The following ITPR1 variants were observed in gnomAD, a reference collection of about 807,000 sequenced individuals.
ITPR1 encodes the protein inositol 1,4,5-trisphosphate receptor type 1.
Under a neutral mutation model 318.4 loss-of-function variants are expected in ITPR1, and 96 were observed. The ratio of observed to expected loss-of-function variants is 0.30; its 90% CI spans 0.26 to 0.36. ITPR1 has a LOEUF of 0.36. ITPR1 is among the 10% of genes least tolerant of loss of function. ITPR1 has a pLI of 1.00. For synonymous variants in ITPR1, 1,312 were observed against 1,289.9 expected, an observed-to-expected ratio of 1.02 and a Z score of -0.37; for missense variants, 2,440 against 3,460.2, an observed-to-expected ratio of 0.71 and a Z score of 7.40.
At chr3:4,795,675 A>G (rs1287050318) in intron 53 of ITPR1, among the ~76,000 whole-genome samples, 1 of 152,238 alleles carries the variant, frequency 6.6e-6, no homozygotes, top group African/African-American at 2.4e-5. Context: ...GAGGGGAGGC[A>G]GGACTTGAAT....
At chr3:4,649,003 G>T (rs2093530907) in intron 10 of ITPR1, among the ~76,000 whole-genome samples, 1 of 152,106 alleles carries the variant, frequency 6.6e-6, no homozygotes. Flanking sequence ...ATTGAAGATT[G>T]ATGCCCCATG....
chr3:4,814,877 A>C, intron 58 of ITPR1, 176 bp from the exon 59 acceptor site: 1 of 637,358 alleles, frequency 1.6e-6, no homozygotes, highest in Non-Finnish European at 2.8e-6. Flanking sequence ...CCACACTTGG[A>C]GAAGTCGCAA....
At chr3:4,601,769 T>G (rs1437973826) in intron 4 of ITPR1, among the ~76,000 whole-genome samples, 2 of 152,210 alleles carry the variant, frequency 1.3e-5, no homozygotes, top group Non-Finnish European at 2.9e-5. Context: ...AGACAACTCA[T>G]AGAAAAGTAG....
intron 44 of ITPR1, among the ~76,000 whole-genome samples, chr3:4,746,115 G>A (rs112561304): frequency 1.2e-3 from 189 of 152,154 alleles, no homozygotes; most frequent in African/African-American, 3.0e-3. Flanking sequence ...AGGCTCGACC[G>A]CCTGCCAGCA....
intron 4 of ITPR1, among the ~76,000 whole-genome samples, chr3:4,524,330 A>C (rs1293721823): frequency 1.3e-5 from 1 of 76,528 alleles, no homozygotes; most frequent in Non-Finnish European, 3.2e-5. Flanking sequence ...TTTTTTTTTA[A>C]ATGAAGAGAA....
At chr3:4,539,163 T>G (rs1272474745) in intron 4 of ITPR1, among the ~76,000 whole-genome samples, 1 of 152,248 alleles carries the variant, frequency 6.6e-6, no homozygotes, top group African/African-American at 2.4e-5. Context: ...TATTTTCTTA[T>G]GTCTGTTATT....
chr3:4,756,437 G>T (rs560006519), intron 44 of ITPR1, among the ~76,000 whole-genome samples: 115 of 152,162 alleles, frequency 7.6e-4, no homozygotes, highest in Non-Finnish European at 1.4e-3. Flanking sequence ...CAGGTACTAA[G>T]CCCAGTACCC....
At chr3:4,833,868 T>G (rs910293223) in intron 60 of ITPR1, among the ~76,000 whole-genome samples, 3 of 152,194 alleles carry the variant, frequency 2.0e-5, no homozygotes, top group African/African-American at 7.2e-5. Flanking sequence ...CGCTCCTAGA[T>G]ACAACATAGC....
chr3:4,681,549 G>A, intron 26 of ITPR1, 131 bp downstream of exon 26: 2 of 675,610 alleles, frequency 3.0e-6, no homozygotes, highest in Non-Finnish European at 2.6e-6. Flanking sequence ...CTTTGGAACT[G>A]TTAGTACTCA....
At chr3:4,683,923 T>C in intron 28 of ITPR1, 125 bp downstream of exon 28, 1 of 807,048 alleles carries the variant, frequency 1.2e-6, no homozygotes, top group South Asian at 1.9e-5. Context: ...GCTTGTTAAG[T>C]CACCAAGATC....
chr3:4,778,561 T>C (rs1017120555), intron 48 of ITPR1, among the ~76,000 whole-genome samples: 1 of 152,252 alleles, frequency 6.6e-6, no homozygotes, highest in Admixed American at 6.5e-5. Flanking sequence ...GTGGTTTAAA[T>C]GGACTTTTTT....
At chr3:4,599,911 A>T (rs1352130130) in intron 4 of ITPR1, among the ~76,000 whole-genome samples, 1 of 152,190 alleles carries the variant, frequency 6.6e-6, no homozygotes, top group Non-Finnish European at 1.5e-5. Context: ...GAAACTCACC[A>T]CAGGATAATG....
Position 4,768,755 on chromosome 3 carries a change from A to T in ITPR1, c.5970A>T (p.Arg1990=), listed in dbSNP as rs1157485528. The change falls in exon 46 of 62, where the codon CGA becomes CGT. Residue 1990 remains arginine, a synonymous_variant. Transcript: ENST00000649015. ...FLQLLCENHN[R]DLQNFLRCQN... ...AGCTCCTGTGTGAAAACCACAACCG[A>T]GACCTGCAGGTGAGGGCCTGGGGGT... The T allele has an allele frequency of 1.6e-5, 25 of 1,610,976 alleles. No individual in the cohort carries two copies. The highest frequency in any genetic ancestry group is 2.1e-5 in the Non-Finnish European group (25 of 1,177,784).
chr3:4,799,155 T>C (rs997873036), intron 53 of ITPR1, among the ~76,000 whole-genome samples: 5 of 152,166 alleles, frequency 3.3e-5, no homozygotes, highest in African/African-American at 4.8e-5. Flanking sequence ...CTGCATCACT[T>C]TGGGCAAGAA....
intron 57 of ITPR1, 89 bp from the exon 58 acceptor site, chr3:4,814,334 G>A: frequency 7.6e-7 from 1 of 1,321,156 alleles, no homozygotes. Flanking sequence ...TGTGCCTGGT[G>A]AGATGGCATT....
intron 44 of ITPR1, among the ~76,000 whole-genome samples, chr3:4,742,974 G>A (rs2043817047): frequency 6.6e-6 from 1 of 152,210 alleles, no homozygotes; most frequent in South Asian, 2.1e-4. Flanking sequence ...CCAGGACATT[G>A]GGAAATTTCA....
rs547264430 is a variant in ITPR1, at chr3:4,720,247, G to A, written c.5136+2848G>A. Among the ~76,000 whole-genome samples the A allele has an allele frequency of 5.3e-5, 8 of 152,308 alleles. 1 individual carries two copies. Among genetic ancestry groups the A allele is most frequent in the Admixed American group, 5.2e-4 (8 of 15,302 alleles). On this transcript the variant is annotated intron_variant, in intron 40 of 61. Transcript: ENST00000649015. ...TGGGGGGCAAAGGGACAATAATACA[G>A]ATTCATGCAAGATGACAGCTCTCAG...
At chr3:4,761,105 C>A (rs926842680) in intron 44 of ITPR1, among the ~76,000 whole-genome samples, 2 of 152,164 alleles carry the variant, frequency 1.3e-5, no homozygotes, top group Non-Finnish European at 2.9e-5. Flanking sequence ...CAACCCCCCA[C>A]CCTCCAGAGG....
chr3:4,728,312 C>G (rs2042667335), intron 42 of ITPR1, among the ~76,000 whole-genome samples: 2 of 152,240 alleles, frequency 1.3e-5, no homozygotes, highest in South Asian at 4.1e-4. Flanking sequence ...GTGACACAGG[C>G]TTCATCCGCA....
Sources: allele counts gnomAD v4.1 joint callset (sites outside exome capture counted in the v4.1 genomes callset), GRCh38; gene constraint gnomAD v4.1.1; transcripts MANE v1.5; gene names NCBI Gene and HGNC (gene_info 2026-07-23, HGNC 2026-07-21).